Variants in CEP85L observed in about 807,000 individuals in gnomAD.
The protein encoded by CEP85L is centrosomal protein of 85 kDa-like.
In CEP85L, 60 loss-of-function variants were observed where a neutral mutation model predicts 100.3. The ratio of observed to expected loss-of-function variants is 0.60; its 90% CI spans 0.49 to 0.74. CEP85L has a LOEUF of 0.74. Ranked by LOEUF, CEP85L falls within the 30% of genes least tolerant of loss-of-function variation. CEP85L has a pLI of 0.00. For synonymous variants in CEP85L, 319 were observed against 322.7 expected, an observed-to-expected ratio of 0.99 and a Z score of 0.12; for missense variants, 973 against 936.2, an observed-to-expected ratio of 1.04 and a Z score of -0.51.
intron 1 of CEP85L, among the ~76,000 whole-genome samples, chr6:118,697,524 G>A (rs1394025891): frequency 6.6e-6 from 1 of 152,208 alleles, no homozygotes; most frequent in Non-Finnish European, 1.5e-5. Context: ...GTGGAACTGA[G>A]TAGCACTTCA....
At chr6:118,509,275 A>G (rs575511551) in intron 5 of CEP85L, among the ~76,000 whole-genome samples, 1 of 152,230 alleles carries the variant, frequency 6.6e-6, no homozygotes, top group Non-Finnish European at 1.5e-5. Flanking sequence ...TAATATGATA[A>G]TTATATAATT....
At chr6:118,497,891 A>G (rs1324118124) in intron 5 of CEP85L, among the ~76,000 whole-genome samples, 2 of 152,246 alleles carry the variant, frequency 1.3e-5, no homozygotes, top group Non-Finnish European at 2.9e-5. Context: ...AATTACAGCA[A>G]CAATGTAATC....
At chr6:118,470,754 C>T in intron 10 of CEP85L, 110 bp from the exon 11 acceptor site, 2 of 513,588 alleles carry the variant, frequency 3.9e-6, no homozygotes, top group Middle Eastern at 5.3e-4. Context: ...CTTCTTTCCT[C>T]CCCATCCCCT....
chr6:118,643,871 ACCCTGGTCAAGACTTGGC>A (rs907028229), intron 1 of CEP85L, among the ~76,000 whole-genome samples: 5 of 152,214 alleles, frequency 3.3e-5, no homozygotes, highest in African/African-American at 1.2e-4. Flanking sequence ...CAGACAGAGT[ACCCTGGTCAAGACTTGGC>A]CACTGTTCAG....
intron 1 of CEP85L, among the ~76,000 whole-genome samples, chr6:118,637,703 C>A (rs1215545228): frequency 4.8e-3 from 219 of 45,428 alleles, no homozygotes; most frequent in Middle Eastern, 0.022. Flanking sequence ...AAGACTGTCT[C>A]AAAAAAAAAA....
At chr6:118,602,783 T>G (rs1406463681) in intron 2 of CEP85L, among the ~76,000 whole-genome samples, 1 of 152,166 alleles carries the variant, frequency 6.6e-6, no homozygotes, top group Admixed American at 6.5e-5. Context: ...TTAAATTGGC[T>G]TTGATGGAAC....
intron 5 of CEP85L, among the ~76,000 whole-genome samples, chr6:118,506,822 T>C (rs1256598815): frequency 1.3e-5 from 2 of 152,206 alleles, no homozygotes; most frequent in Non-Finnish European, 2.9e-5. Context: ...TTTCAACCTT[T>C]ATCTGCCTTC....
chr6:118,472,457 T>C (rs546737124), intron 10 of CEP85L, among the ~76,000 whole-genome samples: 1 of 152,180 alleles, frequency 6.6e-6, no homozygotes, highest in African/African-American at 2.4e-5. Context: ...TCTAGGATAA[T>C]ACTAGGTATG....
chr6:118,697,236 C>G (rs943400000), intron 1 of CEP85L, among the ~76,000 whole-genome samples: 1 of 152,136 alleles, frequency 6.6e-6, no homozygotes, highest in African/African-American at 2.4e-5. Context: ...AAGTTTTGTT[C>G]ACAAAGAAGG....
intron 3 of CEP85L, chr6:118,565,299 G>C (rs572268416): frequency 3.8e-6 from 2 of 530,666 alleles, no homozygotes; most frequent in Admixed American, 3.5e-5. Flanking sequence ...CAAATGAAAA[G>C]GAAAGAACAA....
At chr6:118,543,488 T>C (rs1201473296) in intron 3 of CEP85L, among the ~76,000 whole-genome samples, 1 of 152,276 alleles carries the variant, frequency 6.6e-6, no homozygotes, top group African/African-American at 2.4e-5. Flanking sequence ...GGAAAATAAA[T>C]AGACCTATAT....
At chr6:118,678,219 A>C (rs1400065419) in intron 1 of CEP85L, among the ~76,000 whole-genome samples, 1 of 152,226 alleles carries the variant, frequency 6.6e-6, no homozygotes, top group Non-Finnish European at 1.5e-5. Flanking sequence ...TGCTCAGCCC[A>C]CCCGTTGGGT....
chr6:118,592,209 C>T (rs1781227207), intron 2 of CEP85L, among the ~76,000 whole-genome samples: 1 of 152,040 alleles, frequency 6.6e-6, no homozygotes, highest in African/African-American at 2.4e-5. Flanking sequence ...CTTCCAAATA[C>T]AGACATCTAG....
upstream of CEP85L, chr6:118,657,243 C>CA (rs1477554919): frequency 6.6e-6 from 1 of 152,326 alleles, no homozygotes; most frequent in Non-Finnish European, 1.5e-5. Flanking sequence ...AGGAAGGCAG[C>CA]ATGTAGCAGC....
chr6:118,665,004 C>T (rs1776089134), intron 1 of CEP85L, among the ~76,000 whole-genome samples: 1 of 152,210 alleles, frequency 6.6e-6, no homozygotes, highest in South Asian at 2.1e-4. Flanking sequence ...CATCACACAT[C>T]ACACAAGCCT....
At chr6:118,673,397 A>T (rs1489073611) in intron 1 of CEP85L, among the ~76,000 whole-genome samples, 1 of 152,240 alleles carries the variant, frequency 6.6e-6, no homozygotes, top group African/African-American at 2.4e-5. Flanking sequence ...TTACAGGCAA[A>T]TGTGCCATAT....
At chr6:118,628,807 G>C (rs1012299543) in intron 2 of CEP85L, among the ~76,000 whole-genome samples, 2 of 152,044 alleles carry the variant, frequency 1.3e-5, no homozygotes, top group African/African-American at 4.8e-5. Context: ...TAACATAATA[G>C]AAAACCTAGA....
chr6:118,704,668 A>C (rs1318723022), intron 1 of CEP85L, among the ~76,000 whole-genome samples: 1 of 152,034 alleles, frequency 6.6e-6, no homozygotes, highest in Non-Finnish European at 1.5e-5. Flanking sequence ...ACAGGGTTTC[A>C]CCACGTTGGC....
intron 3 of CEP85L, among the ~76,000 whole-genome samples, chr6:118,564,851 A>G (rs1779411816): frequency 6.6e-6 from 1 of 152,202 alleles, no homozygotes; most frequent in African/African-American, 2.4e-5. Flanking sequence ...GTCTTGGAAT[A>G]GAAACATTCC....
Sources: gnomAD v4.1 joint callset for allele counts (sites outside exome capture counted in the v4.1 genomes callset) on GRCh38, gnomAD v4.1.1 for gene constraint, MANE v1.5 for transcripts, NCBI Gene and HGNC (gene_info 2026-07-23, HGNC 2026-07-21) for gene names.